The following SNX24 variants were observed in gnomAD, a reference collection of about 807,000 sequenced individuals.
The protein encoded by SNX24 is sorting nexin-24.
SNX24 carries 22 observed loss-of-function variants against 28.7 expected under a neutral mutation model. The observed-to-expected ratio is 0.77, with a 90% CI of 0.55 to 1.10. SNX24 has a LOEUF of 1.10. Among genes scored for constraint, SNX24 ranks in the 50% least tolerant of loss-of-function variants. The pLI is 0.00. For missense variants in SNX24, 221 were observed against 201.1 expected, an observed-to-expected ratio of 1.10 and a Z score of -0.60; for synonymous variants, 69 against 71.5, an observed-to-expected ratio of 0.96 and a Z score of 0.18.
At chr5:122,968,159 A>T (rs999851247) in intron 3 of SNX24, among the ~76,000 whole-genome samples, 12 of 152,162 alleles carry the variant, frequency 7.9e-5, no homozygotes, top group African/African-American at 2.9e-4. Context: ...TTCAAAACCA[A>T]CATGGTGAAA....
At chr5:123,025,823 G>C in intron 5 of SNX24, 1 of 1,613,784 alleles carries the variant, frequency 6.2e-7, no homozygotes, top group Non-Finnish European at 8.5e-7. Context: ...CATGTTTGCC[G>C]TCCAACCAGG....
At chr5:123,025,939 CT>C in intron 5 of SNX24, 10 of 1,607,636 alleles carry the variant, frequency 6.2e-6, no homozygotes, top group Non-Finnish European at 8.5e-6. Flanking sequence ...AAGTTCTCAT[CT>C]GGAAATGTCT....
chr5:122,859,436 C>A (rs865819802), intron 1 of SNX24, among the ~76,000 whole-genome samples: 1 of 151,926 alleles, frequency 6.6e-6, no homozygotes, highest in African/African-American at 2.4e-5. Flanking sequence ...GAGAACTCAC[C>A]GTACAAATAA....
chr5:122,875,087 A>G (rs1200618897), intron 1 of SNX24, among the ~76,000 whole-genome samples: 2 of 152,230 alleles, frequency 1.3e-5, no homozygotes, highest in Non-Finnish European at 2.9e-5. Context: ...TTATACCACT[A>G]AAGCAAACAA....
rs1762814376 is a variant in SNX24, at chr5:123,024,102, G to A, written n.384-5136G>A. The A allele has an allele frequency of 4.2e-6, 6 of 1,442,896 alleles. No individual in the cohort carries two copies. In the Admixed American group the frequency reaches 1.4e-4, roughly 33 times the overall value. The allele number at this position is 1,442,896 out of a possible 1,614,324, so 89.4% of individuals were successfully genotyped here. A position where few individuals can be genotyped will look rare whatever the true frequency, so the allele number is the denominator to read the frequency against. On this transcript the variant is annotated intron_variant and non_coding_transcript_variant, in intron 5 of 5. Transcript: ENST00000502387. Reference sequence around the variant, plus strand: ...CAACTCCAAAAGCCCAAGTGGGAAGGAAATAAGGTTGGTTGGTTGGTTGGT... The same window carrying A: ...CAACTCCAAAAGCCCAAGTGGGAAGAAAATAAGGTTGGTTGGTTGGTTGGT...
chr5:122,974,104 T>C (rs1486603933), intron 3 of SNX24, among the ~76,000 whole-genome samples: 1 of 152,212 alleles, frequency 6.6e-6, no homozygotes, highest in Admixed American at 6.5e-5. Flanking sequence ...CTAGGCATTG[T>C]GCCTCTTTCT....
At chr5:122,956,119 GAT>G (rs1323354044) in intron 3 of SNX24, among the ~76,000 whole-genome samples, 1 of 151,632 alleles carries the variant, frequency 6.6e-6, no homozygotes, top group Non-Finnish European at 1.5e-5. Context: ...CCAAGTCTGC[GAT>G]ATATAAGGCA....
At chr5:122,884,678 G>T (rs1380160431) in intron 1 of SNX24, among the ~76,000 whole-genome samples, 1 of 152,176 alleles carries the variant, frequency 6.6e-6, no homozygotes, top group African/African-American at 2.4e-5. Context: ...AGACTGTAAG[G>T]TGTGTCAGGT....
intron 1 of SNX24, among the ~76,000 whole-genome samples, chr5:122,866,554 A>G (rs891963713): frequency 2.0e-5 from 3 of 152,160 alleles, no homozygotes; most frequent in African/African-American, 7.2e-5. Context: ...TCAAACCTTC[A>G]TTCCTGAAGG....
intron 1 of SNX24, among the ~76,000 whole-genome samples, chr5:122,918,049 C>T (rs1758257958): frequency 6.6e-6 from 1 of 152,072 alleles, no homozygotes. Context: ...CACTGCACTC[C>T]AGCCTGGGCG....
At chr5:122,914,241 G>A (rs1758060154) in intron 1 of SNX24, among the ~76,000 whole-genome samples, 1 of 152,240 alleles carries the variant, frequency 6.6e-6, no homozygotes, top group Admixed American at 6.5e-5. Context: ...TCCCAGGGAT[G>A]AAGCCCACTT....
In SNX24 at chr5:122,845,650, C is replaced by G. The variant is rs776419773; in HGVS notation, c.17C>G (p.Pro6Arg). The G allele has an allele frequency of 2.2e-5, 31 of 1,432,634 alleles. No homozygotes were observed. The highest frequency in any genetic ancestry group is 3.8e-4 in the Middle Eastern group (2 of 5,196). 88.7% of individuals were successfully genotyped at this position (1,432,634 alleles called of 1,614,324 possible). Residue 6 changes from proline to arginine, a missense_variant, in exon 1 of 7, where the codon CCG becomes CGG. Coordinates refer to ENST00000261369, the MANE Select transcript of SNX24 (RefSeq NM_014035.4). Reference protein sequence around the residue: MEVYIPSFRYEESDLE... With the variant: MEVYIRSFRYEESDLE... Reference sequence around the variant, plus strand: ...GGCGCGGCCATGGAGGTCTACATCCCGTCCTTTCGCTATGAAGAGAGCGAC... The same window carrying G: ...GGCGCGGCCATGGAGGTCTACATCCGGTCCTTTCGCTATGAAGAGAGCGAC...
intron 6 of SNX24, among the ~76,000 whole-genome samples, chr5:123,007,119 G>C (rs1384364993): frequency 6.6e-6 from 1 of 152,190 alleles, no homozygotes; most frequent in East Asian, 1.9e-4. Flanking sequence ...TATAATAATG[G>C]AGCTGTGTTT....
intron 3 of SNX24, among the ~76,000 whole-genome samples, chr5:122,953,393 C>T (rs1253789510): frequency 6.6e-6 from 1 of 152,186 alleles, no homozygotes; most frequent in African/African-American, 2.4e-5. Context: ...GCATGAGCTA[C>T]TTTGCCTAGC....
intron 1 of SNX24, among the ~76,000 whole-genome samples, chr5:122,925,753 T>C (rs1289825134): frequency 1.3e-5 from 2 of 152,238 alleles, no homozygotes; most frequent in Admixed American, 1.3e-4. Flanking sequence ...GGACTGAAGT[T>C]TATACATATT....
At chr5:122,869,788 A>G (rs537047943) in intron 1 of SNX24, among the ~76,000 whole-genome samples, 2 of 152,176 alleles carry the variant, frequency 1.3e-5, no homozygotes, top group South Asian at 4.1e-4. Context: ...TTTTCCATTG[A>G]TAGTTTTGCA....
chr5:122,926,076 C>T (rs1381082624), intron 1 of SNX24, among the ~76,000 whole-genome samples: 1 of 152,036 alleles, frequency 6.6e-6, no homozygotes, highest in Non-Finnish European at 1.5e-5. Flanking sequence ...AAAGTAAAGC[C>T]AGGTCTGGGG....
Position 123,001,903 on chromosome 5 carries a change from C to G in SNX24, c.378-37C>G, listed in dbSNP as rs772218286. 2.5e-6 allele frequency: 4 copies of G among 1,578,138 alleles called. No homozygotes were observed. In the South Asian group the frequency reaches 4.4e-5, roughly 17 times the overall value. On this transcript the variant is annotated intron_variant, in intron 5 of 6. Transcript: ENST00000261369. Reference sequence around the variant, plus strand: ...TGTAGTGTTTTCTGTTTACCATCGTCCCCTGATGCTGACATGCCTGTTCTT... The same window carrying G: ...TGTAGTGTTTTCTGTTTACCATCGTGCCCTGATGCTGACATGCCTGTTCTT...
downstream of SNX24, among the ~76,000 whole-genome samples, chr5:123,012,504 GAA>G (rs1762604848): frequency 6.6e-6 from 1 of 152,204 alleles, no homozygotes; most frequent in Non-Finnish European, 1.5e-5. Context: ...GAGGCTGGGG[GAA>G]AAGAGGAAAT....
Sources: gnomAD v4.1 joint callset for allele counts (sites outside exome capture counted in the v4.1 genomes callset) on GRCh38, gnomAD v4.1.1 for gene constraint, MANE v1.5 for transcripts, NCBI Gene and HGNC (gene_info 2026-07-23, HGNC 2026-07-21) for gene names.